The following NCKAP5 variants were observed in gnomAD, a reference collection of about 807,000 sequenced individuals.
The protein encoded by NCKAP5 is NCK associated protein 5, also known as nck-associated protein 5.
A neutral mutation model predicts 167.0 loss-of-function variants in NCKAP5; 92 were observed. That is an observed-to-expected ratio of 0.55 (90% CI 0.47 to 0.66). The LOEUF is 0.66. NCKAP5 is among the 30% of genes least tolerant of loss of function. The pLI is 0.00. For missense variants in NCKAP5, 2,378 were observed against 2,315.0 expected, an observed-to-expected ratio of 1.03 and a Z score of -0.56; for synonymous variants, 891 against 877.4, an observed-to-expected ratio of 1.02 and a Z score of -0.27.
the NCKAP5 span, among the ~76,000 whole-genome samples, chr2:133,664,875 C>T: frequency 6.6e-6 from 1 of 152,240 alleles, no homozygotes; most frequent in African/African-American, 2.4e-5. Flanking sequence ...ACTTCTACAT[C>T]AGTACTTTCT....
chr2:132,775,489 G>C (rs1329312275), intron 15 of NCKAP5, among the ~76,000 whole-genome samples: 1 of 152,208 alleles, frequency 6.6e-6, no homozygotes, highest in Non-Finnish European at 1.5e-5. Context: ...CCCTTCAGCT[G>C]TCTAATCTGT....
Position 133,282,609 on chromosome 2 carries a change from G to A in NCKAP5, c.143+20428C>T, listed in dbSNP as rs148023002. Reference sequence around the variant, plus strand: ...TGGTCATATAATGTATAACATGGATGCAATCAGTGGAAGATGCTGAATAGG... The same window carrying A: ...TGGTCATATAATGTATAACATGGATACAATCAGTGGAAGATGCTGAATAGG... On this transcript the variant is annotated intron_variant, in intron 4 of 19. Transcript: ENST00000409261. Among the ~76,000 whole-genome samples, 623 of 152,288 alleles carry A rather than the reference G, an allele frequency of 4.1e-3. 2 individuals are homozygous for A. Among genetic ancestry groups the A allele is most frequent in the Non-Finnish European group, 6.0e-3 (407 of 68,028 alleles).
intron 3 of NCKAP5, among the ~76,000 whole-genome samples, chr2:133,398,439 A>T (rs1687893977): frequency 6.6e-6 from 1 of 152,202 alleles, no homozygotes; most frequent in Admixed American, 6.5e-5. Flanking sequence ...ACATAAAAAT[A>T]AACCTTAGAG....
chr2:133,366,591 T>G (rs1207780709), intron 3 of NCKAP5, among the ~76,000 whole-genome samples: 1 of 152,182 alleles, frequency 6.6e-6, no homozygotes, highest in East Asian at 1.9e-4. Context: ...CGTGAGTTAC[T>G]GCACCTGGCC....
At chr2:133,436,067 A>C (rs1690456975) in intron 3 of NCKAP5, among the ~76,000 whole-genome samples, 1 of 152,166 alleles carries the variant, frequency 6.6e-6, no homozygotes, top group Admixed American at 6.5e-5. Flanking sequence ...CATCCCATAC[A>C]TGCAATTAAT....
chr2:133,290,541 T>C (rs1679505226), intron 4 of NCKAP5, among the ~76,000 whole-genome samples: 1 of 152,190 alleles, frequency 6.6e-6, no homozygotes, highest in Non-Finnish European at 1.5e-5. Context: ...TTAAACACTT[T>C]ATGATTAAAC....
the NCKAP5 span, among the ~76,000 whole-genome samples, chr2:133,591,796 G>C: frequency 6.6e-6 from 1 of 152,158 alleles, no homozygotes; most frequent in African/African-American, 2.4e-5. Flanking sequence ...TCCCAGAAAT[G>C]ACACTCAAGC....
chr2:132,778,887 A>G (rs1682778322), intron 15 of NCKAP5, among the ~76,000 whole-genome samples: 1 of 152,198 alleles, frequency 6.6e-6, no homozygotes, highest in Non-Finnish European at 1.5e-5. Flanking sequence ...AAAGGAGTCT[A>G]TAGCAACGTC....
chr2:133,245,125 G>A (rs183448699), intron 4 of NCKAP5, among the ~76,000 whole-genome samples: 8 of 152,180 alleles, frequency 5.3e-5, no homozygotes, highest in Non-Finnish European at 7.4e-5. Flanking sequence ...GATAGAACAC[G>A]TGTATACCCA....
At chr2:133,614,984 G>A in the NCKAP5 span, among the ~76,000 whole-genome samples, 5 of 152,076 alleles carry the variant, frequency 3.3e-5, no homozygotes, top group African/African-American at 9.7e-5. Context: ...AAGAGAGTGG[G>A]GGCCAATATT....
intron 11 of NCKAP5, among the ~76,000 whole-genome samples, chr2:132,827,000 C>G (rs544601014): frequency 6.6e-6 from 1 of 152,178 alleles, no homozygotes; most frequent in African/African-American, 2.4e-5. Flanking sequence ...TAGGTATCGA[C>G]AGAGGCACTG....
chr2:133,064,338 A>T (rs542898770), intron 6 of NCKAP5, among the ~76,000 whole-genome samples: 4 of 152,372 alleles, frequency 2.6e-5, no homozygotes, highest in African/African-American at 9.6e-5. Context: ...GTTTAAGTGC[A>T]GTGTTTGTTT....
chr2:133,282,969 TAAAC>T, intron 4 of NCKAP5, among the ~76,000 whole-genome samples: 1 of 152,320 alleles, frequency 6.6e-6, no homozygotes, highest in East Asian at 1.9e-4. Context: ...GATGCCAAGA[TAAAC>T]AGACATGATT....
chr2:133,485,913 T>C (rs1680865260), intron 3 of NCKAP5, among the ~76,000 whole-genome samples: 1 of 152,156 alleles, frequency 6.6e-6, no homozygotes, highest in African/African-American at 2.4e-5. Context: ...AACAACACTA[T>C]GAGGCAGATG....
At chr2:133,224,403 T>C (rs991353603) in intron 4 of NCKAP5, among the ~76,000 whole-genome samples, 8 of 152,176 alleles carry the variant, frequency 5.3e-5, no homozygotes, top group Non-Finnish European at 8.8e-5. Context: ...ATATTCAATA[T>C]CAGAAACTAA....
intron 14 of NCKAP5, among the ~76,000 whole-genome samples, chr2:132,781,696 C>T (rs1161147102): frequency 6.6e-6 from 1 of 152,116 alleles, no homozygotes. Context: ...TAAAACTTAC[C>T]ATTCTTTAAT....
intron 3 of NCKAP5, among the ~76,000 whole-genome samples, chr2:133,506,459 C>T (rs937578880): frequency 1.3e-5 from 2 of 152,140 alleles, no homozygotes; most frequent in African/African-American, 4.8e-5. Context: ...ACTCTATGGG[C>T]CCCATTCCCT....
chr2:133,194,488 T>C (rs2085354116), intron 5 of NCKAP5, among the ~76,000 whole-genome samples: 1 of 152,048 alleles, frequency 6.6e-6, no homozygotes, highest in South Asian at 2.1e-4. Context: ...CACATCCTCC[T>C]CTGTGATCTC....
chr2:133,187,400 A>T (rs1001384955), intron 5 of NCKAP5, among the ~76,000 whole-genome samples: 1 of 152,046 alleles, frequency 6.6e-6, no homozygotes, highest in Admixed American at 6.6e-5. Flanking sequence ...ATCACACAAA[A>T]AATTAAAATC....
Sources: allele counts gnomAD v4.1 joint callset (sites outside exome capture counted in the v4.1 genomes callset), GRCh38; gene constraint gnomAD v4.1.1; transcripts MANE v1.5; gene names NCBI Gene and HGNC (gene_info 2026-07-23, HGNC 2026-07-21).